E2F3: variants seen among roughly 807,000 people sequenced by gnomAD.
E2F3 encodes the protein transcription factor E2F3.
E2F3 carries 11 observed loss-of-function variants against 44.4 expected under a neutral mutation model. The ratio of observed to expected loss-of-function variants is 0.25; its 90% CI spans 0.16 to 0.41. The LOEUF is 0.41. E2F3 is among the 10% of genes least tolerant of loss of function. The probability of loss-of-function intolerance (pLI) is 1.00; values close to 1 mark genes in which losing one functional copy is unlikely to be tolerated. For synonymous variants in E2F3, 249 were observed against 253.0 expected, an observed-to-expected ratio of 0.98 and a Z score of 0.15; for missense variants, 487 against 583.6, an observed-to-expected ratio of 0.83 and a Z score of 1.70.
At chr6:20,433,769 A>T (rs1375639479) in intron 1 of E2F3, among the ~76,000 whole-genome samples, 2 of 152,164 alleles carry the variant, frequency 1.3e-5, no homozygotes, top group Non-Finnish European at 2.9e-5. Flanking sequence ...AGACATAAAA[A>T]AGCACTAGCC....
intron 1 of E2F3, among the ~76,000 whole-genome samples, chr6:20,427,968 G>A (rs969821265): frequency 6.6e-6 from 1 of 152,134 alleles, no homozygotes; most frequent in Non-Finnish European, 1.5e-5. Flanking sequence ...TTCACCAAGG[G>A]ACTTTGGTCC....
intron 1 of E2F3, among the ~76,000 whole-genome samples, chr6:20,452,722 G>A (rs2127601684): frequency 6.6e-6 from 1 of 152,228 alleles, no homozygotes; most frequent in South Asian, 2.1e-4. Context: ...GGCTGAGGAG[G>A]GTGGATCACG....
rs531223371 is a variant in E2F3, at chr6:20,402,982, C to T, written c.393+357C>T. Among the ~76,000 whole-genome samples the T allele has an allele frequency of 6.6e-5, 10 of 152,172 alleles. No individual in the cohort carries two copies. In the South Asian group the frequency reaches 1.0e-3, roughly 16 times the overall value. On this transcript the variant is annotated intron_variant, in intron 1 of 6. Transcript: ENST00000346618. The surrounding 1 kb of genome is among the most constrained non-coding windows in gnomAD (Gnocchi z 5.6). ...CTTTCTCGGGCGTAGGAAGGGGTCA[C>T]GCCCCGGATGGAGAAGGGGGTGGGG...
intron 1 of E2F3, among the ~76,000 whole-genome samples, chr6:20,417,799 C>A (rs1759896222): frequency 6.6e-6 from 1 of 151,950 alleles, no homozygotes; most frequent in Non-Finnish European, 1.5e-5. Flanking sequence ...CTTGAAAATG[C>A]ATATGAAAGA....
chr6:20,417,969 G>T (rs1759902958), intron 1 of E2F3, among the ~76,000 whole-genome samples: 1 of 152,088 alleles, frequency 6.6e-6, no homozygotes, highest in South Asian at 2.1e-4. Flanking sequence ...ATTTGTGGTT[G>T]GTTCTATTAT....
At chr6:20,474,647 G>A (rs1215425527) in intron 1 of E2F3, among the ~76,000 whole-genome samples, 1 of 152,172 alleles carries the variant, frequency 6.6e-6, no homozygotes, top group Non-Finnish European at 1.5e-5. Flanking sequence ...AGGGCAGGGT[G>A]GTGTAGACAG....
intron 1 of E2F3, chr6:20,438,094 T>C (rs1030944022): frequency 1.3e-5 from 2 of 151,554 alleles, no homozygotes; most frequent in African/African-American, 4.9e-5. Context: ...AGACTTGGGT[T>C]CAAGTTTCAG....
At chr6:20,482,346 T>C (rs955676874) in intron 3 of E2F3, among the ~76,000 whole-genome samples, 2 of 150,322 alleles carry the variant, frequency 1.3e-5, no homozygotes, top group Non-Finnish European at 3.0e-5. Context: ...TTTTTTGTTT[T>C]TTTTTTTTTT....
chr6:20,415,205 T>C (rs1217425195), intron 1 of E2F3, among the ~76,000 whole-genome samples: 3 of 151,920 alleles, frequency 2.0e-5, no homozygotes, highest in Non-Finnish European at 4.4e-5. Flanking sequence ...CCTCAAGGAG[T>C]TCATCTGGAG....
At chr6:20,461,175 A>T (rs1357587460) in intron 1 of E2F3, among the ~76,000 whole-genome samples, 1 of 152,076 alleles carries the variant, frequency 6.6e-6, no homozygotes, top group African/African-American at 2.4e-5. Flanking sequence ...GATAGAAAGA[A>T]TAGCACCCAT....
Position 20,490,068 on chromosome 6 carries a change from G to A in E2F3, c.1136-100G>A, listed in dbSNP as rs116053731. On this transcript the variant is annotated intron_variant, in intron 6 of 6. Coordinates refer to ENST00000346618, the MANE Select transcript of E2F3 (RefSeq NM_001949.5). This position sits in a 1 kb window ranked among gnomAD's most constrained non-coding sequence, Gnocchi z 4.3. ...CGTCTCATTGTCATTATTTGCGGAA[G>A]GTACATGCTTTTTTCTAACAGCAAC... 4.6e-3 allele frequency: 5,951 copies of A among 1,285,144 alleles called. 25 individuals carry two copies. Among genetic ancestry groups the A allele is most frequent in the Middle Eastern group, 8.8e-3 (41 of 4,656 alleles). 79.6% of individuals were successfully genotyped at this position (1,285,144 alleles called of 1,614,324 possible).
intron 1 of E2F3, among the ~76,000 whole-genome samples, chr6:20,404,431 G>A (rs1370883314): frequency 1.3e-5 from 2 of 152,196 alleles, no homozygotes; most frequent in African/African-American, 2.4e-5. Context: ...CACGGGGCTA[G>A]AACCGAACCA....
chr6:20,456,752 C>A (rs1761320981), intron 1 of E2F3, among the ~76,000 whole-genome samples: 1 of 152,100 alleles, frequency 6.6e-6, no homozygotes, highest in South Asian at 2.1e-4. Flanking sequence ...TAAACCTTAA[C>A]TGATTGTAGA....
intron 1 of E2F3, among the ~76,000 whole-genome samples, chr6:20,403,374 G>C (rs1014536408): frequency 6.6e-6 from 1 of 151,806 alleles, no homozygotes; most frequent in Non-Finnish European, 1.5e-5. Context: ...CTTCCTCGCC[G>C]GGCCCCGGGC....
At chr6:20,423,765 G>C (rs187993603) in intron 1 of E2F3, among the ~76,000 whole-genome samples, 1 of 130,676 alleles carries the variant, frequency 7.7e-6, no homozygotes, top group Non-Finnish European at 1.6e-5. Context: ...CACCACACCC[G>C]GCCATTACAG....
chr6:20,484,847 G>A (rs1455015854), intron 4 of E2F3, among the ~76,000 whole-genome samples: 2 of 151,930 alleles, frequency 1.3e-5, no homozygotes, highest in Non-Finnish European at 2.9e-5. Context: ...CAGCTACTCG[G>A]GAGGCTGAGG....
chr6:20,468,815 G>A (rs1353767623), intron 1 of E2F3, among the ~76,000 whole-genome samples: 5 of 152,172 alleles, frequency 3.3e-5, no homozygotes, highest in Admixed American at 6.6e-5. Context: ...CACCAAGACT[G>A]ATAAAGTGAG....
At chr6:20,445,303 G>A (rs548680869) in intron 1 of E2F3, among the ~76,000 whole-genome samples, 4 of 151,382 alleles carry the variant, frequency 2.6e-5, no homozygotes, top group South Asian at 4.2e-4. Context: ...ACAGTGGCGC[G>A]ATCTCAGCTC....
intron 1 of E2F3, among the ~76,000 whole-genome samples, chr6:20,410,918 G>A (rs1759651617): frequency 6.6e-6 from 1 of 152,104 alleles, no homozygotes; most frequent in South Asian, 2.1e-4. Context: ...CACTGTTCCT[G>A]GCCTGATCTA....
Sources: allele counts gnomAD v4.1 joint callset (sites outside exome capture counted in the v4.1 genomes callset), GRCh38; gene constraint gnomAD v4.1.1; non-coding constraint Gnocchi (gnomAD v3.1); transcripts MANE v1.5; gene names NCBI Gene and HGNC (gene_info 2026-07-23, HGNC 2026-07-21).